APP: variants seen among roughly 807,000 people sequenced by gnomAD.
The protein encoded by APP is amyloid-beta precursor protein.
Under a neutral mutation model 101.4 loss-of-function variants are expected in APP, and 31 were observed. The observed-to-expected ratio is 0.31, with a 90% CI of 0.23 to 0.41. The LOEUF is 0.41. APP is among the 10% of genes least tolerant of loss of function. The probability of loss-of-function intolerance (pLI) is 1.00; values close to 1 mark genes in which losing one functional copy is unlikely to be tolerated. For missense variants in APP, 839 were observed against 1,003.7 expected (o/e 0.84, Z 2.22); for synonymous variants, 366 against 364.4 (o/e 1.00, Z -0.05).
Position 25,936,581 on chromosome 21 carries a change from TTCTC to T in APP, c.1687+18005_1687+18008del, listed in dbSNP as rs1199435113. Among the ~76,000 whole-genome samples the T allele has an allele frequency of 6.6e-5, 10 of 152,304 alleles. No individual in the cohort carries two copies. In the East Asian group the frequency reaches 1.4e-3, roughly 21 times the overall value. On this transcript the variant is annotated intron_variant, in intron 13 of 17. Transcript: ENST00000346798. Reference sequence around the variant, plus strand: ...GAAGAAGAGGAAGAGACACCTCTCTTTCTCTCTGAGAAAGACCATGTGAGGACAT... The same window carrying T: ...GAAGAAGAGGAAGAGACACCTCTCTTTCTGAGAAAGACCATGTGAGGACAT...
intron 5 of APP, among the ~76,000 whole-genome samples, chr21:26,044,267 C>T (rs73163795): frequency 0.24 from 36,048 of 152,114 alleles, 5,361 homozygotes; most frequent in Non-Finnish European, 0.34. Flanking sequence ...ATAGCCACTG[C>T]GCTCAAGTCT....
chr21:25,973,160 A>T (rs1397117511), intron 11 of APP, among the ~76,000 whole-genome samples: 1 of 138,776 alleles, frequency 7.2e-6, no homozygotes, highest in African/African-American at 2.7e-5. Context: ...ATTTCTAATT[A>T]ATCCAAAAAA....
chr21:25,996,971 T>C (rs1207420125), intron 8 of APP, among the ~76,000 whole-genome samples: 2 of 152,250 alleles, frequency 1.3e-5, no homozygotes. Flanking sequence ...TTCCTTCCAC[T>C]GCACCTAGCC....
In APP at chr21:26,012,955, G is replaced by A. The variant is rs147991289; in HGVS notation, c.865+8885C>T. The stretch of plus-strand genomic sequence containing the variant: ...AGATCGTGCCACTGAATCCCAGCCT[G>A]GGTGACTGAGACTCCATGTCAACAA... On this transcript the variant is annotated intron_variant, in intron 6 of 17. Transcript: ENST00000346798. 1.4e-3 allele frequency among the ~76,000 whole-genome samples: 212 copies of A among 151,514 alleles called. 3 individuals are homozygous for A. The East Asian group carries it at 0.016, about 12-fold the overall frequency.
intron 13 of APP, chr21:25,945,976 C>A (rs1171214750): frequency 2.2e-6 from 1 of 452,104 alleles, no homozygotes; most frequent in East Asian, 7.1e-5. Flanking sequence ...GCCACTGCAC[C>A]TGGCAAGAAT....
chr21:25,997,416 A>G lies in APP; in HGVS notation c.1034T>C (p.Met345Thr). The change falls in exon 8 of 18, where the codon ATG becomes ACG. Residue 345 changes from methionine to threonine, a missense_variant and splice_region_variant. Transcript: ENST00000346798. ...EYCMAVCGSAMSQSLLKTTQE... is the reference protein window; with the variant it reads ...EYCMAVCGSATSQSLLKTTQE... ...GGTAGTCTTGAGTAAACTTTGGGACACTATGGAAAAAATAAGAGAACATAA... is the reference window on the plus strand; with the variant it reads ...GGTAGTCTTGAGTAAACTTTGGGACGCTATGGAAAAAATAAGAGAACATAA... 1.2e-6 allele frequency: 2 copies of G among 1,612,182 alleles called. No homozygotes were observed. The highest frequency in any genetic ancestry group is 2.2e-5 in the East Asian group (1 of 44,870).
intron 5 of APP, among the ~76,000 whole-genome samples, chr21:26,035,132 A>G (rs2045044476): frequency 6.9e-6 from 1 of 145,516 alleles, no homozygotes; most frequent in African/African-American, 2.8e-5. Flanking sequence ...CTAAAAATTA[A>G]AAAAAAATTA....
chr21:26,003,516 C>T (rs2043385080), intron 6 of APP, among the ~76,000 whole-genome samples: 1 of 152,166 alleles, frequency 6.6e-6, no homozygotes, highest in South Asian at 2.1e-4. Context: ...AAAAGGCTAC[C>T]TGAGATAATG....
intron 13 of APP, among the ~76,000 whole-genome samples, chr21:25,918,851 G>A (rs371571928): frequency 1.2e-3 from 177 of 149,260 alleles, no homozygotes; most frequent in East Asian, 5.6e-3. Flanking sequence ...CAAAGCAGCC[G>A]GGAAGCTCGA....
chr21:25,975,011 C>T, intron 11 of APP, 59 bp downstream of exon 11: 2 of 1,608,758 alleles, frequency 1.2e-6, no homozygotes, highest in Non-Finnish European at 8.5e-7. Context: ...TTCCCAGTGC[C>T]CCACCCTTAC....
intron 6 of APP, among the ~76,000 whole-genome samples, chr21:26,011,064 C>G (rs2043781989): frequency 6.6e-6 from 1 of 151,304 alleles, no homozygotes. Flanking sequence ...TTTCTCTGTT[C>G]ACTTTTTTAT....
chr21:26,005,867 C>T (rs544962416), intron 6 of APP, among the ~76,000 whole-genome samples: 3 of 151,954 alleles, frequency 2.0e-5, no homozygotes, highest in Non-Finnish European at 2.9e-5. Context: ...AAAATTAGAC[C>T]TTATATAACT....
intron 5 of APP, among the ~76,000 whole-genome samples, chr21:26,045,390 A>C (rs926966265): frequency 2.6e-5 from 4 of 152,230 alleles, no homozygotes; most frequent in African/African-American, 9.6e-5. Context: ...GGTGATTAGC[A>C]GCTAGCTGCA....
At chr21:26,058,669 C>T (rs1392902030) in intron 3 of APP, among the ~76,000 whole-genome samples, 1 of 152,176 alleles carries the variant, frequency 6.6e-6, no homozygotes, top group Non-Finnish European at 1.5e-5. Context: ...GATGGCGGCA[C>T]CTGGGGGTGT....
chr21:26,040,400 G>C (rs1384716144), intron 5 of APP, among the ~76,000 whole-genome samples: 1 of 152,026 alleles, frequency 6.6e-6, no homozygotes, highest in Non-Finnish European at 1.5e-5. Context: ...TCAGGAATTC[G>C]AGACCAGCCT....
At chr21:26,136,204 A>AGAAAGAAAGAAAGAAAG (rs138049697) in intron 1 of APP, among the ~76,000 whole-genome samples, 1 of 142,196 alleles carries the variant, frequency 7.0e-6, no homozygotes, top group Non-Finnish European at 1.5e-5. Flanking sequence ...AAAGAAAGAA[A>AGAAAGAAAGAAAGAAAG]AGAAAAGAAA....
intron 13 of APP, among the ~76,000 whole-genome samples, chr21:25,948,368 G>C (rs779531312): frequency 8.5e-5 from 13 of 152,104 alleles, no homozygotes; most frequent in Admixed American, 4.6e-4. Flanking sequence ...AAATAACCAT[G>C]CTGCATTTTT....
intron 11 of APP, among the ~76,000 whole-genome samples, chr21:25,969,681 A>T (rs1043360070): frequency 1.3e-4 from 19 of 151,664 alleles, no homozygotes; most frequent in African/African-American, 4.1e-4. Context: ...CTTTACAAAA[A>T]TTTTTTAAAA....
Position 25,881,587 on chromosome 21 carries a change from C to T in APP, c.*83G>A. 1 of 1,473,792 alleles carries T rather than the reference C, an allele frequency of 6.8e-7. No individual in the cohort carries two copies. Among genetic ancestry groups the T allele is most frequent in the Non-Finnish European group, 9.5e-7 (1 of 1,055,432 alleles). 91.3% of individuals were successfully genotyped at this position (1,473,792 alleles called of 1,614,324 possible). A position where few individuals can be genotyped will look rare whatever the true frequency, so the allele number is the denominator to read the frequency against. On this transcript the variant is annotated 3_prime_UTR_variant, in exon 18 of 18. Transcript: ENST00000346798. Reference sequence around the variant, plus strand: ...AATCATAAAACGGGTTTGTTTCTTCCCACATTATTCTATAAATGGACACCG... The same window carrying T: ...AATCATAAAACGGGTTTGTTTCTTCTCACATTATTCTATAAATGGACACCG...
Sources: allele counts gnomAD v4.1 joint callset (sites outside exome capture counted in the v4.1 genomes callset), GRCh38; gene constraint gnomAD v4.1.1; transcripts MANE v1.5; gene names NCBI Gene and HGNC (gene_info 2026-07-23, HGNC 2026-07-21).